Variants in FLG2 observed in about 807,000 individuals in gnomAD.
The protein encoded by FLG2 is filaggrin-2.
In FLG2, 7 loss-of-function variants were observed where a neutral mutation model predicts 3.9. The ratio of observed to expected loss-of-function variants is 1.79; its 90% CI spans 1.02 to 3.36. The LOEUF is 3.36. Ranked by LOEUF, FLG2 falls within the 30% of genes most tolerant of loss-of-function variation. FLG2 has a pLI of 0.00. For missense variants in FLG2, 2,700 were observed against 2,809.4 expected, an observed-to-expected ratio of 0.96 and a Z score of 0.88; for synonymous variants, 1,031 against 1,056.1, an observed-to-expected ratio of 0.98 and a Z score of 0.46.
Position 152,350,525 on chromosome 1 carries a change from C to T in FLG2, c.*85G>A. 2 of 1,479,190 alleles carry T rather than the reference C, an allele frequency of 1.4e-6. No homozygotes were observed. Among genetic ancestry groups the T allele is most frequent in the Admixed American group, 2.2e-5 (1 of 45,512 alleles). The allele number at this position is 1,479,190 out of a possible 1,614,324, so 91.6% of individuals were successfully genotyped here. On this transcript the variant is annotated 3_prime_UTR_variant, in exon 3 of 3. Transcript: ENST00000388718. ...GAATCAACTGAATGTTCATAACTTA[C>T]CATTGACTGTTCATGATTTAAACTG...
chr1:152,352,162 C>T lies in FLG2; in HGVS notation c.5624G>A (p.Arg1875Lys), dbSNP rs760190226. The change falls in exon 3 of 3, where the codon AGA (arginine) becomes AAA (lysine). Residue 1875 changes from arginine (R) to lysine (K), a missense_variant. Coordinates refer to ENST00000388718, the MANE Select transcript of FLG2 (RefSeq NM_001014342.3). ...GGACTCACTGTGGCCAGATCTCCTT[C>T]TTCCAGTTGTACTGGATCCTGACTG... is the stretch of plus-strand genomic sequence containing the variant. ...STQSGSSTTG[R>K]RRSGHSESSD... is the part of the protein sequence containing the mutation. 1.9e-6 allele frequency: 3 copies of T among 1,613,918 alleles called. No homozygotes were observed. The South Asian group carries it at 3.3e-5, about 18-fold the overall frequency.
intron 2 of FLG2, 27 bp downstream of exon 2, chr1:152,358,720 C>T (rs1302774193): frequency 6.2e-7 from 1 of 1,605,748 alleles, no homozygotes; most frequent in Non-Finnish European, 8.5e-7. Context: ...ACTCCAGCAG[C>T]CTTCAGTTCT....
At position 152,352,214 on chromosome 1, in the gene FLG2, A is replaced by G. The variant is rs764815837; in HGVS notation, c.5572T>C (p.Ser1858Pro). ...HGQTGDTSGH[S>P]QSGHGQSTQS... is the part of the protein sequence containing the mutation. Reference sequence around the variant, plus strand: ...GTGGACTGTCCATGACCAGATTGAGAATGTCCACTGGTATCTCCTGTCTGT... The same window carrying G: ...GTGGACTGTCCATGACCAGATTGAGGATGTCCACTGGTATCTCCTGTCTGT... The change falls in exon 3 of 3, where the codon TCT (serine) becomes CCT (proline). Residue 1858 changes from serine to proline, a missense_variant. Transcript: ENST00000388718. The G allele has an allele frequency of 1.9e-6, 3 of 1,602,952 alleles. No homozygotes were observed. The highest frequency in any genetic ancestry group is 1.4e-5 in the African/African-American group (1 of 70,870).
In FLG2 at chr1:152,354,421, G is replaced by C; in HGVS notation, c.3365C>G (p.Ser1122Ter). 6.2e-7 allele frequency: 1 copy of C among 1,614,124 alleles called. No individual in the cohort carries two copies. The highest frequency in any genetic ancestry group is 8.5e-7 in the Non-Finnish European group (1 of 1,180,026). ...TTGTCCAAAGCCAGAAGACTGACCT[G>C]AGCCCGATCCATATTGGCCAAAGCC... ...SSGFGQYGSGSGQSSGFGQHG... is the reference protein window; with the variant it reads ...SSGFGQYGSG Residue 1122 changes from serine (S) to a stop codon, truncating the protein, a stop_gained, in exon 3 of 3, where the codon TCA becomes TGA. Coordinates refer to ENST00000388718, the MANE Select transcript of FLG2 (RefSeq NM_001014342.3). LOFTEE classifies it low-confidence loss of function (END_TRUNC).
Position 152,353,699 on chromosome 1 carries a change from G to A in FLG2, c.4087C>T (p.Pro1363Ser). 6.2e-7 allele frequency: 1 copy of A among 1,614,062 alleles called. No individual in the cohort carries two copies. Among genetic ancestry groups the A allele is most frequent in the Non-Finnish European group, 8.5e-7 (1 of 1,179,982 alleles). The change falls in exon 3 of 3, where the codon CCA becomes TCA. Residue 1363 changes from proline to serine, a missense_variant. Coordinates refer to ENST00000388718, the MANE Select transcript of FLG2 (RefSeq NM_001014342.3). Reference sequence around the variant, plus strand: ...CTGTGAGTTTGTTCTTGTGAGTGTGGTCTATGTGAGACCCCTGAGTGCACT... The same window carrying A: ...CTGTGAGTTTGTTCTTGTGAGTGTGATCTATGTGAGACCCCTGAGTGCACT... ...SEVHSGVSHR[P>S]HSQEQTHSQA...
At position 152,354,231 on chromosome 1, in the gene FLG2, G is replaced by T; in HGVS notation, c.3555C>A (p.Gly1185=). The T allele has an allele frequency of 6.2e-7, 1 of 1,614,054 alleles. No homozygotes were observed. The highest frequency in any genetic ancestry group is 8.5e-7 in the Non-Finnish European group (1 of 1,179,958). ...PTTSFGQHVS[G]SDNFSSSGQH... is the part of the protein sequence containing the mutation. ...GTCCAGAACTAGAGAAATTGTCTGA[G>T]CCAGACACATGCTGTCCAAAACTTG... The change falls in exon 3 of 3, where the codon GGC becomes GGA. Residue 1185 remains glycine (G), a synonymous_variant. Transcript: ENST00000388718.
In FLG2 at chr1:152,348,841, C is replaced by T. The variant is rs966716148; in HGVS notation, c.*1769G>A. Reference sequence around the variant, plus strand: ...ATTTAAATATAATTGTACAGAATTCCAGTAGTGACACAAAAAGATGCAAAT... The same window carrying T: ...ATTTAAATATAATTGTACAGAATTCTAGTAGTGACACAAAAAGATGCAAAT... On this transcript the variant is annotated 3_prime_UTR_variant, in exon 3 of 3. Coordinates refer to ENST00000388718, the MANE Select transcript of FLG2 (RefSeq NM_001014342.3). 4.6e-5 allele frequency: 7 copies of T among 152,072 alleles called. No homozygotes were observed. The highest frequency in any genetic ancestry group is 1.7e-4 in the African/African-American group (7 of 41,394). 9.4% of individuals were successfully genotyped at this position (152,072 alleles called of 1,614,324 possible).
At position 152,353,653 on chromosome 1, in the gene FLG2, C is replaced by T; in HGVS notation, c.4133G>A (p.Gly1378Glu). The change falls in exon 3 of 3, where the codon GGA (glycine) becomes GAA (glutamate). Residue 1378 changes from glycine (G) to glutamate (E), a missense_variant. Gly to Glu is a moderately conservative substitution (Grantham distance 98). Coordinates refer to ENST00000388718, the MANE Select transcript of FLG2 (RefSeq NM_001014342.3). ...CTCATGAACTGTGGATTCTGACTCT[C>T]CATGTTGAGATCCAGCTTGGCTGTG... ...QTHSQAGSQH[G>E]ESESTVHERH... is the part of the protein sequence containing the mutation. The T allele has an allele frequency of 1.9e-6, 3 of 1,613,792 alleles. No individual in the cohort carries two copies. Among genetic ancestry groups the T allele is most frequent in the South Asian group, 2.2e-5 (2 of 91,042 alleles).
Position 152,356,244 on chromosome 1 carries a change from T to C in FLG2, c.1542A>G (p.Gln514=), listed in dbSNP as rs760346168. ...GFGQHGSVSG[Q]SSGFGQHGSV... ...ACCCATGCTGTCCAAAACCAGAGGATTGTCCTGAGACAGACCCATGCTGTC... is the reference window on the plus strand; with the variant it reads ...ACCCATGCTGTCCAAAACCAGAGGACTGTCCTGAGACAGACCCATGCTGTC... Residue 514 remains glutamine (Q), a synonymous_variant, in exon 3 of 3, where the codon CAA becomes CAG. Coordinates refer to ENST00000388718, the MANE Select transcript of FLG2 (RefSeq NM_001014342.3). 137 of 1,612,608 alleles carry C rather than the reference T, an allele frequency of 8.5e-5. No homozygotes were observed. Among genetic ancestry groups the C allele is most frequent in the Non-Finnish European group, 1.1e-4 (134 of 1,179,724 alleles).
In FLG2 at chr1:152,350,420, T is replaced by A. The variant is rs1653862806; in HGVS notation, c.*190A>T. 1 of 714,712 alleles carries A rather than the reference T, an allele frequency of 1.4e-6. No individual in the cohort carries two copies. Among genetic ancestry groups the A allele is most frequent in the Non-Finnish European group, 2.2e-6 (1 of 445,728 alleles). 44.3% of individuals were successfully genotyped at this position (714,712 alleles called of 1,614,324 possible). The stretch of plus-strand genomic sequence containing the variant: ...TATCCAGGTTGAACATAGGTGTTGT[T>A]TGACTGTTTATGAGTTACTATAGAA... On this transcript the variant is annotated 3_prime_UTR_variant, in exon 3 of 3. Transcript: ENST00000388718.
chr1:152,353,469 T>A lies in FLG2; in HGVS notation c.4317A>T (p.Arg1439Ser). 6.2e-7 allele frequency: 1 copy of A among 1,613,106 alleles called. No individual in the cohort carries two copies. The highest frequency in any genetic ancestry group is 1.1e-5 in the South Asian group (1 of 91,012). ...DSEVHSGGSH[R>S]PQSQEQTHGQ... ...CATGAGTTTGTTCTTGTGATTGTGGTCTGTGTGAGCCCCCTGAGTGCACTT... is the reference window on the plus strand; with the variant it reads ...CATGAGTTTGTTCTTGTGATTGTGGACTGTGTGAGCCCCCTGAGTGCACTT... The change falls in exon 3 of 3, where the codon AGA becomes AGT. Residue 1439 changes from arginine (R) to serine (S), a missense_variant. Transcript: ENST00000388718.
Position 152,349,980 on chromosome 1 carries a change from G to GTCATTTGACTACTCATAACTA in FLG2, c.*609_*629dup, listed in dbSNP as rs1653846179. 6.5e-6 allele frequency: 1 copy of GTCATTTGACTACTCATAACTA among 154,060 alleles called. No individual in the cohort carries two copies. The highest frequency in any genetic ancestry group is 2.0e-4 in the South Asian group (1 of 4,900). 9.5% of individuals were successfully genotyped at this position (154,060 alleles called of 1,614,324 possible). On this transcript the variant is annotated 3_prime_UTR_variant, in exon 3 of 3. Transcript: ENST00000388718. ...TGAAAATGTATCTTTGACTTTTGCT[G>GTCATTTGACTACTCATAACTA]TCATTTGACTACTCATAACTATCAT...
rs368837445 is a variant in FLG2 at position 152,356,789 on chromosome 1, C to A, written c.997G>T (p.Gly333Cys). The change falls in exon 3 of 3, where the codon GGT becomes TGT. Residue 333 changes from glycine to cysteine, a missense_variant. Gly to Cys is a radical substitution (Grantham distance 159). Coordinates refer to ENST00000388718, the MANE Select transcript of FLG2 (RefSeq NM_001014342.3). ...GGTTGACCACATCCAGAGGGCTGAC[C>A]TCCTGAGACACAGCCATGGCCTTGT... ...GGQGHGCVSG[G>C]QPSGCGQPES... The A allele has an allele frequency of 6.2e-7, 1 of 1,614,156 alleles. No homozygotes were observed. Among genetic ancestry groups the A allele is most frequent in the South Asian group, 1.1e-5 (1 of 91,078 alleles).
Position 152,353,186 on chromosome 1 carries a change from AT to A in FLG2, c.4599del (p.Glu1533AspfsTer3). The A allele has an allele frequency of 6.2e-7, 1 of 1,611,378 alleles. No homozygotes were observed. The highest frequency in any genetic ancestry group is 1.1e-5 in the South Asian group (1 of 90,992). ...ATTCTGTGTCTGTCATGAATTATGG[AT>A]TCTGACTCTCCATGTTGAGATCCAC... ...GQSGSQHGES[E>X]SIIHDRHRIT... On this transcript the variant is annotated frameshift_variant, in exon 3 of 3. Transcript: ENST00000388718. LOFTEE classifies it low-confidence loss of function (END_TRUNC).
rs557264542 is a variant in FLG2 at position 152,355,520 on chromosome 1, A to T, written c.2266T>A (p.Ser756Thr). 137 of 1,613,280 alleles carry T rather than the reference A, an allele frequency of 8.5e-5. 2 individuals are homozygous for T. In the South Asian group the frequency reaches 1.4e-3, roughly 17 times the overall value. Reference protein sequence around the residue: ...GQHGSGSGQSSGFGQHESRSG... With the variant: ...GQHGSGSGQSTGFGQHESRSG... ...CTAGACTCATGTTGTCCAAAGCCAG[A>T]GGATTGTCCTGAGCCAGACCCATGT... Residue 756 changes from serine to threonine, a missense_variant, in exon 3 of 3, where the codon TCT (serine) becomes ACT (threonine). Ser to Thr is a moderately conservative substitution (Grantham distance 58). Coordinates refer to ENST00000388718, the MANE Select transcript of FLG2 (RefSeq NM_001014342.3).
At position 152,356,994 on chromosome 1, in the gene FLG2, C is replaced by A. The variant is rs745540932; in HGVS notation, c.792G>T (p.Gly264=). The change falls in exon 3 of 3, where the codon GGG becomes GGT. Residue 264 remains glycine (G), a synonymous_variant. Transcript: ENST00000388718. The part of the protein sequence containing the change: ...TQSRIREQKL[G]SSCSGSGDSG... Reference sequence around the variant, plus strand: ...TGTCTCCTGAACCTGAACAGCTAGACCCAAGCTTTTGTTCTCTAATTCTTG... The same window carrying A: ...TGTCTCCTGAACCTGAACAGCTAGAACCAAGCTTTTGTTCTCTAATTCTTG... The A allele has an allele frequency of 6.2e-7, 1 of 1,614,176 alleles. No individual in the cohort carries two copies. The highest frequency in any genetic ancestry group is 8.5e-7 in the Non-Finnish European group (1 of 1,180,014).
At position 152,356,551 on chromosome 1, in the gene FLG2, T is replaced by C. The variant is rs1654242517; in HGVS notation, c.1235A>G (p.Glu412Gly). 6.2e-7 allele frequency: 1 copy of C among 1,614,216 alleles called. No individual in the cohort carries two copies. The highest frequency in any genetic ancestry group is 2.2e-5 in the East Asian group (1 of 44,886). Reference sequence around the variant, plus strand: ...CCCATATTGATCACATTTGGAAAATTCATTTGAACTAGAAGAGTTTGAAAA... The same window carrying C: ...CCCATATTGATCACATTTGGAAAATCCATTTGAACTAGAAGAGTTTGAAAA... The part of the protein sequence containing the change: ...GRFSNSSSSN[E>G]FSKCDQYGSG... The change falls in exon 3 of 3, where the codon GAA (glutamate) becomes GGA (glycine). Residue 412 changes from glutamate to glycine, a missense_variant. By Grantham distance (98) the Glu-to-Gly change is moderately conservative. Transcript: ENST00000388718.
chr1:152,358,825 C>A lies in FLG2; in HGVS notation c.60G>T (p.Lys20Asn). ...TCAGTGTGCCACACTCCCCATCTTGCTTGGTGTATTTGTAGAAAACATCAA... is the reference window on the plus strand; with the variant it reads ...TCAGTGTGCCACACTCCCCATCTTGATTGGTGTATTTGTAGAAAACATCAA... ...TVIDVFYKYT[K>N]QDGECGTLSK... is the part of the protein sequence containing the mutation. Residue 20 changes from lysine (K) to asparagine (N), a missense_variant, in exon 2 of 3, where the codon AAG becomes AAT. Physicochemically the swap from Lys to Asn is moderately conservative, Grantham distance 94 (BLOSUM62 0). Coordinates refer to ENST00000388718, the MANE Select transcript of FLG2 (RefSeq NM_001014342.3). 3 of 1,614,002 alleles carry A rather than the reference C, an allele frequency of 1.9e-6. No homozygotes were observed. The highest frequency in any genetic ancestry group is 2.5e-6 in the Non-Finnish European group (3 of 1,179,896).
Position 152,356,284 on chromosome 1 carries a change from T to C in FLG2, c.1502A>G (p.Gln501Arg). The C allele has an allele frequency of 6.2e-7, 1 of 1,614,158 alleles. No individual in the cohort carries two copies. Among genetic ancestry groups the C allele is most frequent in the Non-Finnish European group, 8.5e-7 (1 of 1,180,026 alleles). ...CCCATGCTGTCCAAAGCCAGAGGACTGACCTGAGCCTGACCCACATTGTCC... is the reference window on the plus strand; with the variant it reads ...CCCATGCTGTCCAAAGCCAGAGGACCGACCTGAGCCTGACCCACATTGTCC... ...GFGQCGSGSG[Q>R]SSGFGQHGSV... Residue 501 changes from glutamine (Q) to arginine (R), a missense_variant, in exon 3 of 3, where the codon CAG (glutamine) becomes CGG (arginine). Transcript: ENST00000388718.
Sources: gnomAD v4.1 joint callset for allele counts on GRCh38, gnomAD v4.1.1 for gene constraint, MANE v1.5 for transcripts, NCBI Gene and HGNC (gene_info 2026-07-23, HGNC 2026-07-21) for gene names.